DNAH6: variants seen among roughly 807,000 people sequenced by gnomAD.
DNAH6 encodes dynein axonemal heavy chain 6.
DNAH6 carries 340 observed loss-of-function variants against 491.4 expected under a neutral mutation model. The observed-to-expected ratio is 0.69, with a 90% CI of 0.63 to 0.76. The LOEUF is 0.76. DNAH6 is among the 30% of genes least tolerant of loss of function. The probability of loss-of-function intolerance (pLI) is 0.00; values close to 1 mark genes in which losing one functional copy is unlikely to be tolerated. For synonymous variants in DNAH6, 1,603 were observed against 1,686.1 expected, an observed-to-expected ratio of 0.95 and a Z score of 1.21; for missense variants, 4,443 against 4,972.2, an observed-to-expected ratio of 0.89 and a Z score of 3.20.
At position 84,605,352 on chromosome 2, in the gene DNAH6, CA is replaced by C. The variant is rs5832617; in HGVS notation, c.3082-130del. The C allele has an allele frequency of 0.54, 181,185 of 336,742 alleles. 29,248 individuals carry two copies. Among genetic ancestry groups the C allele is most frequent in the Admixed American group, 0.63 (12,797 of 20,448 alleles). The allele number at this position is 336,742 out of a possible 1,614,324, so 20.9% of individuals were successfully genotyped here. On this transcript the variant is annotated intron_variant, in intron 19 of 76. Coordinates refer to ENST00000389394, the MANE Select transcript of DNAH6 (RefSeq NM_001370.2). ...TGGGTGACAGAGTGAGACTCTATCT[CA>C]AAAAAAAAAAAAAAAAAGAATTTTA... is the stretch of plus-strand genomic sequence containing the variant.
intron 14 of DNAH6, among the ~76,000 whole-genome samples, chr2:84,583,566 G>C (rs1683247952): frequency 6.6e-6 from 1 of 152,188 alleles, no homozygotes; most frequent in Admixed American, 6.5e-5. Flanking sequence ...TGGTTTGGCT[G>C]TATCTCCACC....
intron 11 of DNAH6, among the ~76,000 whole-genome samples, chr2:84,568,759 C>A (rs1681478713): frequency 6.6e-6 from 1 of 152,096 alleles, no homozygotes; most frequent in African/African-American, 2.4e-5. Flanking sequence ...ATGATCAAAA[C>A]TTATGATAAA....
intron 15 of DNAH6, among the ~76,000 whole-genome samples, chr2:84,586,130 A>G (rs1683521014): frequency 6.6e-6 from 1 of 152,230 alleles, no homozygotes; most frequent in African/African-American, 2.4e-5. Context: ...ACCAGGCTGC[A>G]GAAGCAGGCA....
chr2:84,654,707 A>C lies in DNAH6; in HGVS notation c.5682A>C (p.Gly1894=). 1 of 1,551,220 alleles carries C rather than the reference A, an allele frequency of 6.4e-7. No homozygotes were observed. Among genetic ancestry groups the C allele is most frequent in the South Asian group, 1.2e-5 (1 of 84,010 alleles). ...VASPATVSRC[G]MVFVDPEELK... ...CCCCTGCAACAGTCAGTCGATGTGG[A>C]ATGGTGTTTGTGGATCCTGAAGAAC... The change falls in exon 35 of 77, where the codon GGA becomes GGC. Residue 1894 remains glycine (G), a synonymous_variant. Coordinates refer to ENST00000389394, the MANE Select transcript of DNAH6 (RefSeq NM_001370.2).
At chr2:84,506,761 A>G in the DNAH6 span, among the ~76,000 whole-genome samples, 1 of 152,096 alleles carries the variant, frequency 6.6e-6, no homozygotes, top group South Asian at 2.1e-4. Context: ...TAAGGAAGGG[A>G]TCCAGTTTCA....
chr2:84,621,779 G>T (rs989384919), intron 26 of DNAH6, among the ~76,000 whole-genome samples: 5 of 151,956 alleles, frequency 3.3e-5, no homozygotes, highest in African/African-American at 4.8e-5. Context: ...GAAAATAGGA[G>T]GAAAAACAAT....
chr2:84,464,479 G>T, the DNAH6 span, among the ~76,000 whole-genome samples: 2 of 152,174 alleles, frequency 1.3e-5, no homozygotes, highest in East Asian at 3.9e-4. Flanking sequence ...AGAATTCAGG[G>T]CAAGTCCACA....
intron 4 of DNAH6, among the ~76,000 whole-genome samples, chr2:84,536,829 A>G (rs1260392928): frequency 1.3e-5 from 2 of 152,054 alleles, no homozygotes; most frequent in Non-Finnish European, 2.9e-5. Flanking sequence ...CAAAAAAGTT[A>G]TGGTCACAGC....
chr2:84,747,522 TC>T (rs928809596), intron 63 of DNAH6, among the ~76,000 whole-genome samples: 2 of 152,204 alleles, frequency 1.3e-5, no homozygotes, highest in African/African-American at 4.8e-5. Flanking sequence ...GTAAGCCCTG[TC>T]CCCATGGCCT....
chr2:84,615,619 C>T (rs1449106405), intron 22 of DNAH6, among the ~76,000 whole-genome samples: 3 of 152,052 alleles, frequency 2.0e-5, no homozygotes, highest in Admixed American at 1.3e-4. Context: ...TTATAGATTG[C>T]TTATGGCAGT....
intron 15 of DNAH6, among the ~76,000 whole-genome samples, chr2:84,586,145 C>G (rs1162851731): frequency 2.6e-5 from 4 of 152,212 alleles, no homozygotes; most frequent in Non-Finnish European, 5.9e-5. Context: ...CAGGCACTTC[C>G]AAGCCTGAGA....
At position 84,683,366 on chromosome 2, in the gene DNAH6, C is replaced by T. The variant is rs550549235; in HGVS notation, c.6916+1838C>T. Among the ~76,000 whole-genome samples, 11 of 149,438 alleles carry T rather than the reference C, an allele frequency of 7.4e-5. No homozygotes were observed. The East Asian group carries it at 1.2e-3, about 16-fold the overall frequency. On this transcript the variant is annotated intron_variant, in intron 42 of 76. Coordinates refer to ENST00000389394, the MANE Select transcript of DNAH6 (RefSeq NM_001370.2). ...CTCTTAGTTGCTCCATAATCTGCTT[C>T]GTTCCCTGACTCCCCATCCAGTGCC...
chr2:84,703,955 T>C, intron 50 of DNAH6, 112 bp from the exon 51 acceptor site: 1 of 790,372 alleles, frequency 1.3e-6, no homozygotes, highest in Admixed American at 2.7e-5. Context: ...CTAATTCCCT[T>C]TCATCATTAT....
chr2:84,681,608 A>G (rs893441399), intron 42 of DNAH6, 80 bp downstream of exon 42: 28 of 1,314,706 alleles, frequency 2.1e-5, no homozygotes, highest in Non-Finnish European at 2.8e-5. Flanking sequence ...GTAACATTGT[A>G]TGTATGCAGG....
At chr2:84,812,193 G>A (rs1384811006) in intron 72 of DNAH6, 148 bp from the exon 73 acceptor site, 1 of 653,776 alleles carries the variant, frequency 1.5e-6, no homozygotes, top group African/African-American at 1.8e-5. Context: ...AATATTGGAG[G>A]GTCTGGCCCA....
At chr2:84,588,493 C>T (rs796191160) in intron 15 of DNAH6, among the ~76,000 whole-genome samples, 5 of 152,294 alleles carry the variant, frequency 3.3e-5, no homozygotes, top group Admixed American at 1.3e-4. Context: ...TATATCATAT[C>T]CCCTTCCTTC....
intron 73 of DNAH6, 60 bp downstream of exon 73, chr2:84,812,586 C>A: frequency 7.1e-7 from 1 of 1,399,014 alleles, no homozygotes. Context: ...GCCTAAGGTC[C>A]CTAGGAAGCA....
chr2:84,703,427 G>C lies in DNAH6; in HGVS notation c.8094G>C (p.Lys2698Asn), dbSNP rs1212443715. 2 of 1,544,628 alleles carry C rather than the reference G, an allele frequency of 1.3e-6. No individual in the cohort carries two copies. The highest frequency in any genetic ancestry group is 4.0e-5 in the Admixed American group (2 of 50,108). ...ARDRVKNGLT[K>N]LLETNILVDK... ...ATCGGGTGAAGAATGGTCTCACCAA[G>C]CTACTAGAAACAAACATACTAGTAG... Residue 2698 changes from lysine to asparagine, a missense_variant, in exon 50 of 77, where the codon AAG becomes AAC. Lys to Asn is a moderately conservative substitution (Grantham distance 94, BLOSUM62 0). Coordinates refer to ENST00000389394, the MANE Select transcript of DNAH6 (RefSeq NM_001370.2).
intron 14 of DNAH6, among the ~76,000 whole-genome samples, chr2:84,582,451 G>C (rs1683120940): frequency 6.6e-6 from 1 of 152,048 alleles, no homozygotes; most frequent in African/African-American, 2.4e-5. Context: ...ATCTGTTTTT[G>C]TTTTTGTTTT....
Sources: allele counts gnomAD v4.1 joint callset (sites outside exome capture counted in the v4.1 genomes callset), GRCh38; gene constraint gnomAD v4.1.1; transcripts MANE v1.5; gene names NCBI Gene and HGNC (gene_info 2026-07-23, HGNC 2026-07-21).